Variants in GALNTL6 observed in about 807,000 individuals in gnomAD.
The protein encoded by GALNTL6 is polypeptide N-acetylgalactosaminyltransferase-like 6.
In GALNTL6, 46 loss-of-function variants were observed where a neutral mutation model predicts 73.7. That is an observed-to-expected ratio of 0.62 (90% CI 0.49 to 0.80). The LOEUF (loss-of-function observed/expected upper bound fraction) is 0.80, where lower values mean the gene tolerates loss of function less well. Ranked by LOEUF, GALNTL6 falls within the 30% of genes least tolerant of loss-of-function variation. GALNTL6 has a pLI of 0.00. For synonymous variants in GALNTL6, 259 were observed against 263.7 expected (o/e 0.98, Z 0.17); for missense variants, 604 against 755.0 (o/e 0.80, Z 2.34).
chr4:172,542,147 G>C (rs890889258), intron 5 of GALNTL6, among the ~76,000 whole-genome samples: 1 of 151,598 alleles, frequency 6.6e-6, no homozygotes, highest in Non-Finnish European at 1.5e-5. Context: ...AGAAAGGACC[G>C]GCTGGCGGCA....
intron 2 of GALNTL6, among the ~76,000 whole-genome samples, chr4:172,136,137 A>C (rs918903296): frequency 3.9e-5 from 6 of 152,162 alleles, no homozygotes; most frequent in Non-Finnish European, 7.4e-5. Context: ...AATGAGAGAT[A>C]AATTTCATAG....
intron 5 of GALNTL6, among the ~76,000 whole-genome samples, chr4:172,461,946 C>T (rs1732636652): frequency 6.6e-6 from 1 of 152,046 alleles, no homozygotes; most frequent in South Asian, 2.1e-4. Flanking sequence ...TGACCCTGCC[C>T]AATGTGACTG....
At chr4:172,817,687 TA>T (rs940942841) in intron 7 of GALNTL6, among the ~76,000 whole-genome samples, 1 of 152,196 alleles carries the variant, frequency 6.6e-6, no homozygotes, top group Non-Finnish European at 1.5e-5. Flanking sequence ...ATTTGCTTTC[TA>T]AAAGTTTAGA....
intron 2 of GALNTL6, among the ~76,000 whole-genome samples, chr4:172,177,217 A>G (rs955922618): frequency 6.6e-6 from 1 of 152,140 alleles, no homozygotes; most frequent in Admixed American, 6.5e-5. Context: ...AACTTTATTT[A>G]TATTGTTTTG....
chr4:172,877,960 A>AT (rs1745276402), intron 7 of GALNTL6, among the ~76,000 whole-genome samples: 1 of 152,024 alleles, frequency 6.6e-6, no homozygotes, highest in Admixed American at 6.6e-5. Flanking sequence ...TAGCAAGAAT[A>AT]TTTTGCAAGA....
At chr4:172,628,460 G>A (rs535458720) in intron 5 of GALNTL6, among the ~76,000 whole-genome samples, 7 of 152,116 alleles carry the variant, frequency 4.6e-5, no homozygotes, top group Non-Finnish European at 7.4e-5. Flanking sequence ...GGCTGGGCAC[G>A]ATGACTCATG....
intron 2 of GALNTL6, among the ~76,000 whole-genome samples, chr4:171,980,380 C>A (rs554420478): frequency 1.3e-5 from 2 of 151,816 alleles, no homozygotes; most frequent in Non-Finnish European, 2.9e-5. Context: ...CAGGAAGGGT[C>A]GATTGAAAGA....
intron 5 of GALNTL6, among the ~76,000 whole-genome samples, chr4:172,538,784 ATTTTGGGGAGACTATAAT>A (rs1325003290): frequency 6.6e-6 from 1 of 152,150 alleles, no homozygotes; most frequent in South Asian, 2.1e-4. Flanking sequence ...AACTTGCTGA[ATTTTGGGGAGACTATAAT>A]TTATATAAAT....
intron 5 of GALNTL6, among the ~76,000 whole-genome samples, chr4:172,598,407 C>A (rs1308939881): frequency 6.6e-6 from 1 of 152,198 alleles, no homozygotes; most frequent in South Asian, 2.1e-4. Flanking sequence ...TGAGGACCTT[C>A]GAGATAACTG....
intron 5 of GALNTL6, among the ~76,000 whole-genome samples, chr4:172,680,472 G>C (rs1345321239): frequency 6.6e-6 from 1 of 152,164 alleles, no homozygotes; most frequent in Non-Finnish European, 1.5e-5. Context: ...CTGTGATGAA[G>C]GGGAAAATTC....
chr4:172,240,268 A>C (rs1324373597), intron 3 of GALNTL6, among the ~76,000 whole-genome samples: 1 of 151,954 alleles, frequency 6.6e-6, no homozygotes, highest in African/African-American at 2.4e-5. Context: ...CTGTCGCCCA[A>C]GCTGGAGTGC....
chr4:171,951,246 T>C (rs931839634), intron 2 of GALNTL6, among the ~76,000 whole-genome samples: 4 of 152,006 alleles, frequency 2.6e-5, no homozygotes, highest in Non-Finnish European at 5.9e-5. Flanking sequence ...ATTTGGCAAA[T>C]AGACATTGGG....
chr4:172,871,893 C>T (rs1744964520), intron 7 of GALNTL6, among the ~76,000 whole-genome samples: 1 of 152,028 alleles, frequency 6.6e-6, no homozygotes. Context: ...AAGTGATTCT[C>T]CCACCTCAGC....
At position 172,813,710 on chromosome 4, in the gene GALNTL6, A is replaced by G; in HGVS notation, c.910A>G (p.Ser304Gly). ...TCCAGAGCTCCAGAGGGCAGATCCCAGCGACCCTTTTGAGTGAGTAGCAGC... is the reference window on the plus strand; with the variant it reads ...TCCAGAGCTCCAGAGGGCAGATCCCGGCGACCCTTTTGAGTGAGTAGCAGC... ...IPPELQRADP[S>G]DPFESPVMAG... The change falls in exon 7 of 13, where the codon AGC becomes GGC. Residue 304 changes from serine to glycine, a missense_variant. Transcript: ENST00000506823. 3 of 1,597,270 alleles carry G rather than the reference A, an allele frequency of 1.9e-6. No individual in the cohort carries two copies. The highest frequency in any genetic ancestry group is 2.6e-6 in the Non-Finnish European group (3 of 1,166,960).
In GALNTL6 at chr4:172,350,021, T is replaced by A. The variant is rs185149139; in HGVS notation, c.553+1332T>A. ...GGCATATTCACTTTTTTATTCTAAT[T>A]GAGGTTACTATTTCAAAGCAGTCAT... On this transcript the variant is annotated intron_variant, in intron 5 of 12. Transcript: ENST00000506823. Among the ~76,000 whole-genome samples, 124 of 152,134 alleles carry A rather than the reference T, an allele frequency of 8.2e-4. 1 individual carries two copies. The South Asian group carries it at 0.016, about 20-fold the overall frequency.
chr4:172,318,027 A>G (rs950109853), intron 4 of GALNTL6, among the ~76,000 whole-genome samples: 12 of 152,196 alleles, frequency 7.9e-5, no homozygotes, highest in Admixed American at 5.9e-4. Context: ...ATATTACTTA[A>G]AAAATAAAGC....
chr4:172,332,788 T>C (rs1425958157), intron 4 of GALNTL6, among the ~76,000 whole-genome samples: 3 of 152,216 alleles, frequency 2.0e-5, no homozygotes, highest in Non-Finnish European at 4.4e-5. Context: ...CTTTTTCATA[T>C]GTTGATTTCT....
chr4:172,884,439 T>C (rs1745615618), intron 8 of GALNTL6, among the ~76,000 whole-genome samples: 1 of 152,210 alleles, frequency 6.6e-6, no homozygotes, highest in Non-Finnish European at 1.5e-5. Flanking sequence ...TGTCTATTCA[T>C]GTATTATGCT....
At chr4:171,901,367 G>T (rs1737090157) in intron 2 of GALNTL6, among the ~76,000 whole-genome samples, 1 of 152,136 alleles carries the variant, frequency 6.6e-6, no homozygotes, top group Non-Finnish European at 1.5e-5. Flanking sequence ...GAACATACAT[G>T]AACCTTTCCA....
Sources: allele counts gnomAD v4.1 joint callset (sites outside exome capture counted in the v4.1 genomes callset), GRCh38; gene constraint gnomAD v4.1.1; transcripts MANE v1.5; gene names NCBI Gene and HGNC (gene_info 2026-07-23, HGNC 2026-07-21).